Variants in FOXRED2 observed in about 807,000 individuals in gnomAD.
The protein encoded by FOXRED2 is FAD dependent oxidoreductase domain containing 2.
A neutral mutation model predicts 52.5 loss-of-function variants in FOXRED2; 32 were observed. The observed-to-expected ratio is 0.61, with a 90% CI of 0.46 to 0.82. FOXRED2 has a LOEUF of 0.82. Ranked by LOEUF, FOXRED2 falls within the 40% of genes least tolerant of loss-of-function variation. The pLI is 0.00. For missense variants in FOXRED2, 848 were observed against 937.5 expected, an observed-to-expected ratio of 0.90 and a Z score of 1.25; for synonymous variants, 405 against 398.1, an observed-to-expected ratio of 1.02 and a Z score of -0.21.
At chr22:36,500,565 C>T (rs1934015863) in intron 5 of FOXRED2, among the ~76,000 whole-genome samples, 1 of 150,656 alleles carries the variant, frequency 6.6e-6, no homozygotes, top group East Asian at 1.9e-4. Flanking sequence ...TGAAAAAGAA[C>T]TGATATAATC....
At chr22:36,502,188 C>T (rs918107506) in intron 4 of FOXRED2, among the ~76,000 whole-genome samples, 2 of 148,586 alleles carry the variant, frequency 1.3e-5, no homozygotes, top group Non-Finnish European at 1.5e-5. Context: ...AACAAACAAA[C>T]AAACAATGAA....
In FOXRED2 at chr22:36,488,091, CA is replaced by C. The variant is rs59128956; in HGVS notation, c.*1916del. 0.68 allele frequency: 84,805 copies of C among 125,098 alleles called. 27,457 individuals are homozygous for C. Among genetic ancestry groups the C allele is most frequent in the Admixed American group, 0.73 (9,113 of 12,496 alleles). The allele number at this position is 125,098 out of a possible 1,614,324, so 7.7% of individuals were successfully genotyped here. On this transcript the variant is annotated 3_prime_UTR_variant, in exon 9 of 9. Coordinates refer to ENST00000397224, the MANE Select transcript of FOXRED2 (RefSeq NM_001102371.2). Reference sequence around the variant, plus strand: ...TGGGTGACAAGAGCGAAATCCATTGCAAAAAAAAAAAAAAAGAAAAAGAAAA... The same window carrying C: ...TGGGTGACAAGAGCGAAATCCATTGCAAAAAAAAAAAAAAGAAAAAGAAAA...
rs370707373 is a variant in FOXRED2, at chr22:36,501,288, T to A, written c.1169A>T (p.Asp390Val). The stretch of plus-strand genomic sequence containing the variant: ...GAAGCCCCCAGCAGATTTCCGGTAG[T>A]CCACCGAGTGGCTGGCAGTACCCAG... ...FILGTASHSV[D>V]YRKSAGGFIH... The change falls in exon 5 of 9, where the codon GAC (aspartate) becomes GTC (valine). Residue 390 changes from aspartate (D) to valine (V), a missense_variant. Physicochemically the swap from Asp to Val is radical, Grantham distance 152. Transcript: ENST00000397224. The A allele has an allele frequency of 1.9e-6, 3 of 1,614,094 alleles. No individual in the cohort carries two copies. In the East Asian group the frequency reaches 6.7e-5, roughly 36 times the overall value.
At chr22:36,497,918 T>G in intron 6 of FOXRED2, 73 bp downstream of exon 6, 3 of 1,501,184 alleles carry the variant, frequency 2.0e-6, no homozygotes, top group Middle Eastern at 1.8e-4. Context: ...ACACCTGGAA[T>G]AGGAAGAGAA....
Position 36,496,154 on chromosome 22 carries a change from C to A in FOXRED2, c.1437G>T (p.Gln479His). The change falls in exon 7 of 9, where the codon CAG becomes CAT. Residue 479 changes from glutamine (Q) to histidine (H), a missense_variant. Physicochemically the swap from Gln to His is conservative, Grantham distance 24. Coordinates refer to ENST00000397224, the MANE Select transcript of FOXRED2 (RefSeq NM_001102371.2). Reference sequence around the variant, plus strand: ...CCTTCCTCCCTGTGAGTGTCTCCAGCTGGGCCAGCATCTGTATGGGGAACT... The same window carrying A: ...CCTTCCTCCCTGTGAGTGTCTCCAGATGGGCCAGCATCTGTATGGGGAACT... ...LEEFPIQMLA[Q>H]LETLTGRKAK... The A allele has an allele frequency of 6.2e-7, 1 of 1,614,148 alleles. No individual in the cohort carries two copies. Among genetic ancestry groups the A allele is most frequent in the Non-Finnish European group, 8.5e-7 (1 of 1,180,042 alleles).
At chr22:36,503,815 T>C (rs911107656) in intron 4 of FOXRED2, among the ~76,000 whole-genome samples, 1 of 152,192 alleles carries the variant, frequency 6.6e-6, no homozygotes, top group Non-Finnish European at 1.5e-5. Flanking sequence ...CAAATTCCCC[T>C]CTGTATTCTC....
intron 5 of FOXRED2, among the ~76,000 whole-genome samples, chr22:36,499,469 C>T (rs1076641): frequency 0.55 from 82,868 of 151,536 alleles, 25,661 homozygotes; most frequent in Non-Finnish European, 0.71. Context: ...AAAATAAAAA[C>T]AACAAAATTA....
chr22:36,496,292 CGT>C (rs1221827125), intron 6 of FOXRED2, 84 bp from the exon 7 acceptor site: 1 of 1,508,576 alleles, frequency 6.6e-7, no homozygotes, highest in African/African-American at 1.4e-5. Context: ...TGTGTGTGTG[CGT>C]GTGTATCTCC....
At chr22:36,500,727 G>A (rs1387877802) in intron 5 of FOXRED2, among the ~76,000 whole-genome samples, 1 of 151,770 alleles carries the variant, frequency 6.6e-6, no homozygotes, top group Non-Finnish European at 1.5e-5. Context: ...GGGACTGCAG[G>A]CGCACGCCAC....
At chr22:36,504,477 C>A (rs1247663212) in intron 3 of FOXRED2, 38 bp downstream of exon 3, 2 of 1,611,488 alleles carry the variant, frequency 1.2e-6, no homozygotes, top group African/African-American at 2.7e-5. Context: ...ACACTCTGGG[C>A]TCCCAGCACA....
chr22:36,502,818 G>A (rs533546129), intron 4 of FOXRED2, among the ~76,000 whole-genome samples: 1 of 152,156 alleles, frequency 6.6e-6, no homozygotes, highest in African/African-American at 2.4e-5. Flanking sequence ...TCAGCCTCCC[G>A]AGTAGCTGGG....
chr22:36,498,958 AG>A (rs958760930), intron 5 of FOXRED2, among the ~76,000 whole-genome samples: 1 of 152,140 alleles, frequency 6.6e-6, no homozygotes, highest in Non-Finnish European at 1.5e-5. Context: ...TTTTTGAGAC[AG>A]AGTCTCACTC....
At position 36,501,257 on chromosome 22, in the gene FOXRED2, G is replaced by A. The variant is rs141576694; in HGVS notation, c.1200C>T (p.His400=). 5.8e-3 allele frequency: 9,329 copies of A among 1,613,982 alleles called. 29 individuals are homozygous for A. Among genetic ancestry groups the A allele is most frequent in the Non-Finnish European group, 7.2e-3 (8,538 of 1,179,972 alleles). ...DYRKSAGGFI[H]GFRYTVRAVH... is the part of the protein sequence containing the mutation. The stretch of plus-strand genomic sequence containing the variant: ...TGGGCTCACCTGTGTATCGGAATCC[G>A]TGGATGAAGCCCCCAGCAGATTTCC... Residue 400 remains histidine (H), a synonymous_variant, in exon 5 of 9, where the codon CAC becomes CAT. Coordinates refer to ENST00000397224, the MANE Select transcript of FOXRED2 (RefSeq NM_001102371.2).
chr22:36,502,159 ACT>A (rs1302856805), intron 4 of FOXRED2, among the ~76,000 whole-genome samples: 6 of 147,830 alleles, frequency 4.1e-5, no homozygotes, highest in African/African-American at 1.3e-4. Flanking sequence ...ACAGAGTAAG[ACT>A]CTGTCTCAAA....
intron 7 of FOXRED2, among the ~76,000 whole-genome samples, chr22:36,494,998 G>A (rs569462228): frequency 2.0e-5 from 3 of 152,086 alleles, no homozygotes; most frequent in African/African-American, 7.2e-5. Context: ...AGGCTGGAGT[G>A]CAGTGGTACA....
At chr22:36,505,145 T>C (rs1934159562) in intron 2 of FOXRED2, among the ~76,000 whole-genome samples, 1 of 152,180 alleles carries the variant, frequency 6.6e-6, no homozygotes, top group Non-Finnish European at 1.5e-5. Context: ...ACTTTCCCCT[T>C]TCTGAGTCCT....
In FOXRED2 at chr22:36,505,956, T is replaced by C; in HGVS notation, c.467A>G (p.Gln156Arg). Residue 156 changes from glutamine (Q) to arginine (R), a missense_variant, in exon 2 of 9, where the codon CAG becomes CGG. Gln to Arg is a conservative substitution (Grantham distance 43, BLOSUM62 1). Coordinates refer to ENST00000397224, the MANE Select transcript of FOXRED2 (RefSeq NM_001102371.2). ...GATGAAGTAGTGGCCATTCCAGGCCTGTCGGTCCTTGTCCAGAGTGACGTG... is the reference window on the plus strand; with the variant it reads ...GATGAAGTAGTGGCCATTCCAGGCCCGTCGGTCCTTGTCCAGAGTGACGTG... Reference protein sequence around the residue: ...IAHVTLDKDRQAWNGHYFILT... With the variant: ...IAHVTLDKDRRAWNGHYFILT... The C allele has an allele frequency of 6.2e-7, 1 of 1,614,256 alleles. No individual in the cohort carries two copies. The highest frequency in any genetic ancestry group is 8.5e-7 in the Non-Finnish European group (1 of 1,180,042).
At position 36,504,018 on chromosome 22, in the gene FOXRED2, C is replaced by G. The variant is rs552055071; in HGVS notation, c.1049+80G>C. 1.3e-4 allele frequency: 199 copies of G among 1,480,172 alleles called. No individual in the cohort carries two copies. The Middle Eastern group carries it at 1.4e-3, about 11-fold the overall frequency. 91.7% of individuals were successfully genotyped at this position (1,480,172 alleles called of 1,614,324 possible). On this transcript the variant is annotated intron_variant, in intron 4 of 8. Transcript: ENST00000397224. ...TCCTGAGAGCTCTGTCGCCAGCCTA[C>G]TGAACAGCCACCCTGTTCCCCTAGG...
intron 4 of FOXRED2, among the ~76,000 whole-genome samples, chr22:36,502,194 A>G (rs1042467697): frequency 6.7e-6 from 1 of 148,604 alleles, no homozygotes; most frequent in African/African-American, 2.5e-5. Flanking sequence ...CAAACAAACA[A>G]TGAAGTCAGG....
Sources: gnomAD v4.1 joint callset for allele counts (sites outside exome capture counted in the v4.1 genomes callset) on GRCh38, gnomAD v4.1.1 for gene constraint, MANE v1.5 for transcripts, NCBI Gene and HGNC (gene_info 2026-07-23, HGNC 2026-07-21) for gene names.